LEKR1: variants seen among roughly 807,000 people sequenced by gnomAD.
LEKR1 encodes leucine, glutamate and lysine rich 1, also known as protein LEKR1.
In LEKR1, 59 loss-of-function variants were observed where a neutral mutation model predicts 72.4. That is an observed-to-expected ratio of 0.82 (90% CI 0.66 to 1.01). LEKR1 has a LOEUF of 1.01. LEKR1 is among the 50% of genes least tolerant of loss of function. LEKR1 has a pLI of 0.00. For synonymous variants in LEKR1, 257 were observed against 263.2 expected, an observed-to-expected ratio of 0.98 and a Z score of 0.23; for missense variants, 728 against 759.2, an observed-to-expected ratio of 0.96 and a Z score of 0.48.
intron 11 of LEKR1, among the ~76,000 whole-genome samples, chr3:157,027,136 C>T (rs546884274): frequency 6.6e-6 from 1 of 151,618 alleles, no homozygotes; most frequent in African/African-American, 2.4e-5. Flanking sequence ...TTTTTGAGAG[C>T]TATGGTTAGA....
At chr3:156,915,146 A>G (rs547671265) in intron 3 of LEKR1, among the ~76,000 whole-genome samples, 75 of 152,182 alleles carry the variant, frequency 4.9e-4, no homozygotes, top group African/African-American at 1.7e-3. Flanking sequence ...GCTGTATCCA[A>G]TCTGTCGTTA....
At chr3:156,957,474 G>GA (rs60286678) in intron 6 of LEKR1, among the ~76,000 whole-genome samples, 163 of 137,868 alleles carry the variant, frequency 1.2e-3, no homozygotes, top group Non-Finnish European at 1.9e-3. Context: ...CTTCAAAAAA[G>GA]AAAAAAAAAA....
rs776851977 is a variant in LEKR1 at position 157,045,611 on chromosome 3, C to A, written c.1940C>A (p.Thr647Asn). ...RGVSKPTTFP[T>N]SDKPKRVRSG... ...GTGTCAAAACCCACCACTTTCCCAA[C>A]CTCAGATAAGCCGAAGAGGGTTAGA... The change falls in exon 13 of 13, where the codon ACC becomes AAC. Residue 647 changes from threonine (T) to asparagine (N), a missense_variant. By Grantham distance (65) the Thr-to-Asn change is moderately conservative. Transcript: ENST00000356539. 6.2e-7 allele frequency: 1 copy of A among 1,614,196 alleles called. No homozygotes were observed. Among genetic ancestry groups the A allele is most frequent in the East Asian group, 2.2e-5 (1 of 44,876 alleles).
intron 9 of LEKR1, among the ~76,000 whole-genome samples, chr3:157,006,297 G>T (rs756335592): frequency 6.6e-6 from 1 of 152,154 alleles, no homozygotes. Flanking sequence ...GAGCCACCGC[G>T]CCCGGCCACT....
At chr3:156,838,767 C>T (rs1434252934) in intron 2 of LEKR1, among the ~76,000 whole-genome samples, 1 of 152,174 alleles carries the variant, frequency 6.6e-6, no homozygotes, top group Admixed American at 6.5e-5. Context: ...ACCTCCAATT[C>T]CAACATACTG....
At chr3:156,936,921 T>A (rs1725766891) in intron 5 of LEKR1, among the ~76,000 whole-genome samples, 1 of 152,172 alleles carries the variant, frequency 6.6e-6, no homozygotes, top group South Asian at 2.1e-4. Flanking sequence ...AAAGAGTTCT[T>A]AAACTTGAAC....
rs371310225 is a variant in LEKR1, at chr3:156,955,383, T to C, written c.745+12669T>C. Among the ~76,000 whole-genome samples the C allele has an allele frequency of 3.9e-5, 6 of 152,050 alleles. No homozygotes were observed. The East Asian group carries it at 7.7e-4, about 20-fold the overall frequency. Reference sequence around the variant, plus strand: ...TCCGGCCAGAACTTTCAATACTATGTTTTATAGGAGTGGTGAGAAAGGGCA... The same window carrying C: ...TCCGGCCAGAACTTTCAATACTATGCTTTATAGGAGTGGTGAGAAAGGGCA... On this transcript the variant is annotated intron_variant, in intron 6 of 12. Coordinates refer to ENST00000356539, the MANE Select transcript of LEKR1 (RefSeq NM_001004316.3).
intron 7 of LEKR1, among the ~76,000 whole-genome samples, chr3:156,984,254 C>G (rs1730484520): frequency 6.6e-6 from 1 of 152,096 alleles, no homozygotes; most frequent in Non-Finnish European, 1.5e-5. Flanking sequence ...ATTCTTATCT[C>G]ACTCTATTAT....
intron 3 of LEKR1, among the ~76,000 whole-genome samples, chr3:156,856,287 C>T (rs491423): frequency 0.34 from 50,998 of 151,872 alleles, 11,203 homozygotes; most frequent in African/African-American, 0.62. Flanking sequence ...TATTTCTGGA[C>T]GGTCTGTTTT....
intron 3 of LEKR1, among the ~76,000 whole-genome samples, chr3:156,860,613 G>A (rs946176572): frequency 6.6e-6 from 1 of 152,178 alleles, no homozygotes; most frequent in Non-Finnish European, 1.5e-5. Flanking sequence ...GAGGAAATAA[G>A]TGTACCTGGC....
intron 7 of LEKR1, among the ~76,000 whole-genome samples, chr3:156,986,809 GTGTT>G (rs1268965250): frequency 3.9e-5 from 6 of 152,198 alleles, no homozygotes; most frequent in Admixed American, 6.5e-5. Context: ...TATCATCATT[GTGTT>G]TGTTTCATTT....
At chr3:156,946,836 ATATC>A (rs1168105914) in intron 6 of LEKR1, among the ~76,000 whole-genome samples, 1 of 151,198 alleles carries the variant, frequency 6.6e-6, no homozygotes. Context: ...TAGATTGTAT[ATATC>A]TAGGAATTTA....
chr3:156,881,179 A>G (rs1291989756), intron 3 of LEKR1, among the ~76,000 whole-genome samples: 4 of 152,230 alleles, frequency 2.6e-5, no homozygotes, highest in Non-Finnish European at 5.9e-5. Context: ...GAAATAAAGG[A>G]TATTCAATTA....
chr3:156,941,894 AAGT>A (rs772601838), intron 5 of LEKR1, among the ~76,000 whole-genome samples: 52 of 152,218 alleles, frequency 3.4e-4, no homozygotes, highest in Admixed American at 2.5e-3. Flanking sequence ...ATTTAAATCT[AAGT>A]AGAGCTATAA....
At chr3:156,878,954 T>C in intron 3 of LEKR1, among the ~76,000 whole-genome samples, 1 of 152,308 alleles carries the variant, frequency 6.6e-6, no homozygotes, top group South Asian at 2.1e-4. Context: ...TCGCTGTGAT[T>C]AAACAGTCCA....
intron 7 of LEKR1, among the ~76,000 whole-genome samples, chr3:156,981,133 C>A (rs62275839): frequency 0.031 from 4,767 of 152,222 alleles, 109 homozygotes; most frequent in Non-Finnish European, 0.047. Context: ...TATCGTATAG[C>A]CTACGTGTGT....
At chr3:157,034,094 A>G (rs1205316493) in intron 12 of LEKR1, among the ~76,000 whole-genome samples, 1 of 152,162 alleles carries the variant, frequency 6.6e-6, no homozygotes, top group Admixed American at 6.5e-5. Flanking sequence ...CTCATTGACA[A>G]TGCATCTGGT....
chr3:156,830,171 C>T (rs2108527236), intron 2 of LEKR1, among the ~76,000 whole-genome samples: 1 of 152,294 alleles, frequency 6.6e-6, no homozygotes, highest in African/African-American at 2.4e-5. Flanking sequence ...TTTGTAGCTA[C>T]CTCCTGTTGC....
chr3:157,044,981 C>A (rs199546151), intron 12 of LEKR1, among the ~76,000 whole-genome samples: 1 of 152,254 alleles, frequency 6.6e-6, no homozygotes, highest in East Asian at 1.9e-4. Flanking sequence ...ATACTGTCTG[C>A]GACTTGAGGC....
Sources: allele counts gnomAD v4.1 joint callset (sites outside exome capture counted in the v4.1 genomes callset), GRCh38; gene constraint gnomAD v4.1.1; transcripts MANE v1.5; gene names NCBI Gene and HGNC (gene_info 2026-07-23, HGNC 2026-07-21).